The following KAZN variants were observed in gnomAD, a reference collection of about 807,000 sequenced individuals.
The protein encoded by KAZN is kazrin.
A neutral mutation model predicts 87.4 loss-of-function variants in KAZN; 40 were observed. That is an observed-to-expected ratio of 0.46 (90% CI 0.36 to 0.60). The LOEUF is 0.60. Among genes scored for constraint, KAZN ranks in the 20% least tolerant of loss-of-function variants. KAZN has a pLI of 0.00. For missense variants in KAZN, 898 were observed against 1,073.9 expected (o/e 0.84, Z 2.29); for synonymous variants, 466 against 458.3 (o/e 1.02, Z -0.22).
chr1:14,448,177 A>C (rs1160223183), intron 2 of KAZN, among the ~76,000 whole-genome samples: 1 of 152,022 alleles, frequency 6.6e-6, no homozygotes, highest in Admixed American at 6.6e-5. Context: ...TTCATACAAC[A>C]CTCCATCTTA....
At chr1:14,444,739 C>T (rs890394851) in intron 2 of KAZN, among the ~76,000 whole-genome samples, 12 of 152,058 alleles carry the variant, frequency 7.9e-5, no homozygotes, top group African/African-American at 1.9e-4. Flanking sequence ...TTCAGGACCT[C>T]GAAATTTAAA....
At position 14,820,224 on chromosome 1, in the gene KAZN, G is replaced by A. The variant is rs1441406454; in HGVS notation, c.227-140460G>A. ...TCACACAGAGGGGCTGGTGCTGCTG[G>A]TCAAAGATCACCATTAGAGCAATGC... On this transcript the variant is annotated intron_variant, in intron 1 of 14. Coordinates refer to ENST00000376030, the MANE Select transcript of KAZN (RefSeq NM_201628.3). This position sits in a 1 kb window ranked among gnomAD's most constrained non-coding sequence, Gnocchi z 4.1. 6.6e-6 allele frequency among the ~76,000 whole-genome samples: 1 copy of A among 152,206 alleles called. No individual in the cohort carries two copies. The highest frequency in any genetic ancestry group is 1.5e-5 in the Non-Finnish European group (1 of 68,030).
At chr1:14,341,258 C>T (rs763262437) in intron 2 of KAZN, among the ~76,000 whole-genome samples, 13 of 152,186 alleles carry the variant, frequency 8.5e-5, no homozygotes, top group Non-Finnish European at 1.5e-4. Flanking sequence ...ATTAGGCACT[C>T]ATCTGTAAAA....
chr1:14,936,376 A>G (rs1390673982), intron 1 of KAZN, among the ~76,000 whole-genome samples: 1 of 152,144 alleles, frequency 6.6e-6, no homozygotes, highest in Non-Finnish European at 1.5e-5. Flanking sequence ...GCTGGTGAAG[A>G]CAGACCTGTA....
intron 1 of KAZN, among the ~76,000 whole-genome samples, chr1:14,776,990 T>G (rs1481679213): frequency 1.3e-5 from 2 of 151,662 alleles, no homozygotes; most frequent in African/African-American, 2.4e-5. Context: ...CTTCTTTGTT[T>G]TGTTTTGTTT....
rs181264144 is a variant in KAZN, at chr1:14,361,686, T to A, written c.249+181094T>A. Among the ~76,000 whole-genome samples, 148 of 152,366 alleles carry A rather than the reference T, an allele frequency of 9.7e-4. 1 individual carries two copies. Among genetic ancestry groups the A allele is most frequent in the Middle Eastern group, 3.4e-3 (1 of 294 alleles). Reference sequence around the variant, plus strand: ...ACGGCACAGTCCCTCACGGCTCCCTTGGCTTCTGTTCATCCTCTGTGGGCT... The same window carrying A: ...ACGGCACAGTCCCTCACGGCTCCCTAGGCTTCTGTTCATCCTCTGTGGGCT... On this transcript the variant is annotated intron_variant, in intron 2 of 16. Coordinates refer to the KAZN transcript ENST00000636203.
intron 1 of KAZN, among the ~76,000 whole-genome samples, chr1:14,824,141 T>A (rs1034989179): frequency 3.5e-5 from 5 of 144,362 alleles, no homozygotes; most frequent in Non-Finnish European, 6.0e-5. Context: ...AGGTTAAAAA[T>A]CCCAGGGAGG....
At chr1:14,081,035 C>T (rs1057466439) in intron 1 of KAZN, among the ~76,000 whole-genome samples, 1 of 151,984 alleles carries the variant, frequency 6.6e-6, no homozygotes, top group Non-Finnish European at 1.5e-5. Flanking sequence ...AGCAAGGGTT[C>T]ATTCACCTTA....
intron 1 of KAZN, among the ~76,000 whole-genome samples, chr1:14,075,966 C>A (rs1643440579): frequency 6.6e-6 from 1 of 152,052 alleles, no homozygotes; most frequent in African/African-American, 2.4e-5. Flanking sequence ...AAGATGAGGT[C>A]ATTAGGGTGG....
chr1:13,909,386 G>T (rs79569857), intron 1 of KAZN, among the ~76,000 whole-genome samples: 4,346 of 152,232 alleles, frequency 0.029, 103 homozygotes, highest in Non-Finnish European at 0.045. Flanking sequence ...GGGCAAGAGG[G>T]TGAGGAGGGA....
chr1:14,677,801 CT>C (rs1640321944), intron 1 of KAZN, among the ~76,000 whole-genome samples: 1 of 152,194 alleles, frequency 6.6e-6, no homozygotes, highest in South Asian at 2.1e-4. Flanking sequence ...TATCAAAAAG[CT>C]GCTGAGTGGA....
chr1:13,984,516 C>G (rs1174805877), intron 1 of KAZN, among the ~76,000 whole-genome samples: 2 of 152,138 alleles, frequency 1.3e-5, no homozygotes, highest in Non-Finnish European at 2.9e-5. Flanking sequence ...GGAATCTCTT[C>G]TAAGAAAACA....
At chr1:14,263,619 A>C (rs1160880646) in intron 2 of KAZN, among the ~76,000 whole-genome samples, 1 of 150,744 alleles carries the variant, frequency 6.6e-6, no homozygotes, top group Non-Finnish European at 1.5e-5. Context: ...TTGCTGCTAA[A>C]GGGAAAAAGT....
chr1:14,074,459 C>T (rs906474628), intron 1 of KAZN, among the ~76,000 whole-genome samples: 11 of 152,230 alleles, frequency 7.2e-5, no homozygotes, highest in Non-Finnish European at 1.5e-4. Context: ...AGCAATGGGA[C>T]CCTCTCCTGG....
chr1:14,670,095 C>G (rs563624859), intron 1 of KAZN, among the ~76,000 whole-genome samples: 2 of 152,088 alleles, frequency 1.3e-5, no homozygotes, highest in African/African-American at 4.8e-5. Context: ...TTCTCCCTTC[C>G]CTTCCCTCCC....
chr1:13,969,127 C>A (rs531092666), intron 1 of KAZN, among the ~76,000 whole-genome samples: 1 of 152,066 alleles, frequency 6.6e-6, no homozygotes, highest in African/African-American at 2.4e-5. Context: ...TGGCAGTAAA[C>A]AAAAAACAAG....
At chr1:14,782,629 T>C (rs2100652255) in intron 1 of KAZN, among the ~76,000 whole-genome samples, 1 of 147,398 alleles carries the variant, frequency 6.8e-6, no homozygotes, top group African/African-American at 2.5e-5. Flanking sequence ...ATGCTTAAAG[T>C]GTGTTCCTTC....
At chr1:14,952,313 G>A (rs1662592383) in intron 1 of KAZN, among the ~76,000 whole-genome samples, 1 of 151,056 alleles carries the variant, frequency 6.6e-6, no homozygotes, top group South Asian at 2.1e-4. Context: ...TGGTCACACA[G>A]ACCCCTCGCT....
At chr1:14,644,929 T>C (rs1053404145) in intron 1 of KAZN, among the ~76,000 whole-genome samples, 1 of 152,214 alleles carries the variant, frequency 6.6e-6, no homozygotes, top group Non-Finnish European at 1.5e-5. Context: ...ATTTTTATAG[T>C]TGTGGATTTT....
Sources: gnomAD v4.1 joint callset for allele counts (sites outside exome capture counted in the v4.1 genomes callset) on GRCh38, gnomAD v4.1.1 for gene constraint, Gnocchi (gnomAD v3.1) non-coding constraint, MANE v1.5 for transcripts, NCBI Gene and HGNC (gene_info 2026-07-23, HGNC 2026-07-21) for gene names.